The following KHDRBS2 variants were observed in gnomAD, a reference collection of about 807,000 sequenced individuals.
KHDRBS2 encodes KH RNA binding domain containing, signal transduction associated 2, also known as KH domain-containing, RNA-binding, signal transduction-associated protein 2.
Under a neutral mutation model 44.3 loss-of-function variants are expected in KHDRBS2, and 26 were observed. That is an observed-to-expected ratio of 0.59 (90% CI 0.43 to 0.81). The LOEUF (loss-of-function observed/expected upper bound fraction) is 0.81. KHDRBS2 is among the 40% of genes least tolerant of loss of function. The probability of loss-of-function intolerance (pLI) is 0.00; values close to 1 mark genes in which losing one functional copy is unlikely to be tolerated. For missense variants in KHDRBS2, 476 were observed against 433.1 expected, an observed-to-expected ratio of 1.10 and a Z score of -0.88; for synonymous variants, 194 against 151.1, an observed-to-expected ratio of 1.28 and a Z score of -2.08.
the KHDRBS2 span, among the ~76,000 whole-genome samples, chr6:61,618,719 C>T: frequency 5.3e-5 from 8 of 152,144 alleles, no homozygotes; most frequent in African/African-American, 1.9e-4. Flanking sequence ...TGAGAACATG[C>T]AGTATCTGGT....
intron 6 of KHDRBS2, among the ~76,000 whole-genome samples, chr6:61,863,681 TG>T (rs956298454): frequency 2.6e-5 from 4 of 152,180 alleles, no homozygotes; most frequent in Admixed American, 2.6e-4. Context: ...CTGCATTTGC[TG>T]GGGAGTGTTT....
At chr6:61,772,719 C>T (rs139090075) in intron 6 of KHDRBS2, among the ~76,000 whole-genome samples, 114 of 151,868 alleles carry the variant, frequency 7.5e-4, no homozygotes, top group Non-Finnish European at 1.4e-3. Flanking sequence ...ATACATGTGC[C>T]ACGCTGGTGT....
At chr6:61,904,109 G>C (rs1048319860) in intron 4 of KHDRBS2, among the ~76,000 whole-genome samples, 1 of 152,212 alleles carries the variant, frequency 6.6e-6, no homozygotes, top group African/African-American at 2.4e-5. Context: ...GCGTACTTCA[G>C]CAGCCTCTCT....
At chr6:62,041,014 T>A (rs1786363969) in intron 3 of KHDRBS2, among the ~76,000 whole-genome samples, 1 of 152,108 alleles carries the variant, frequency 6.6e-6, no homozygotes, top group African/African-American at 2.4e-5. Context: ...CCATATTGGT[T>A]ATATTGCATT....
At chr6:61,893,009 T>A (rs569036827) in intron 6 of KHDRBS2, among the ~76,000 whole-genome samples, 6 of 152,190 alleles carry the variant, frequency 3.9e-5, no homozygotes, top group South Asian at 2.1e-4. Flanking sequence ...CTCATCTGAC[T>A]AAGGGCTAAT....
chr6:61,835,710 C>CGTGTGTGT (rs3078000), intron 6 of KHDRBS2, among the ~76,000 whole-genome samples: 1,564 of 145,540 alleles, frequency 0.011, 14 homozygotes, highest in African/African-American at 0.023. Context: ...TTGATGTGTG[C>CGTGTGTGT]GTGTGTGTGT....
chr6:61,617,746 C>T, the KHDRBS2 span, among the ~76,000 whole-genome samples: 1 of 151,962 alleles, frequency 6.6e-6, no homozygotes. Flanking sequence ...ATGCTAATAG[C>T]TTATAGAAGC....
At chr6:62,038,825 C>G (rs992493385) in intron 3 of KHDRBS2, among the ~76,000 whole-genome samples, 4 of 152,012 alleles carry the variant, frequency 2.6e-5, no homozygotes, top group African/African-American at 9.7e-5. Flanking sequence ...ATAATAACAA[C>G]AACAACCTTT....
At chr6:62,234,074 T>C (rs565767462) in intron 1 of KHDRBS2, among the ~76,000 whole-genome samples, 1 of 152,224 alleles carries the variant, frequency 6.6e-6, no homozygotes, top group African/African-American at 2.4e-5. Flanking sequence ...AGCAATATGT[T>C]CAGAAAACTA....
intron 1 of KHDRBS2, 52 bp downstream of exon 1, chr6:62,285,806 G>T: frequency 7.7e-7 from 1 of 1,304,818 alleles, no homozygotes; most frequent in East Asian, 2.4e-5. Context: ...ATCAAGCCGC[G>T]GGTGAGATAG....
the KHDRBS2 span, among the ~76,000 whole-genome samples, chr6:61,563,009 T>A: frequency 6.6e-6 from 1 of 152,130 alleles, no homozygotes; most frequent in Non-Finnish European, 1.5e-5. Flanking sequence ...ACTGGCTTAA[T>A]GCTTATTCAA....
At chr6:62,227,382 A>C (rs1832069311) in intron 1 of KHDRBS2, among the ~76,000 whole-genome samples, 1 of 152,188 alleles carries the variant, frequency 6.6e-6, no homozygotes, top group Admixed American at 6.5e-5. Flanking sequence ...TTTTATCCTG[A>C]GACTTTGCTG....
intron 4 of KHDRBS2, among the ~76,000 whole-genome samples, chr6:61,941,353 C>T (rs1275874113): frequency 1.3e-5 from 2 of 152,156 alleles, no homozygotes; most frequent in Admixed American, 6.5e-5. Flanking sequence ...AATGACATTG[C>T]TAATTCCATG....
At chr6:61,902,198 C>T (rs1804180988) in intron 4 of KHDRBS2, among the ~76,000 whole-genome samples, 1 of 152,196 alleles carries the variant, frequency 6.6e-6, no homozygotes, top group Non-Finnish European at 1.5e-5. Context: ...ATCCACCCAC[C>T]TGGGCCTCCC....
At chr6:61,831,759 C>T (rs1018477813) in intron 6 of KHDRBS2, among the ~76,000 whole-genome samples, 4 of 151,722 alleles carry the variant, frequency 2.6e-5, no homozygotes, top group Non-Finnish European at 5.9e-5. Flanking sequence ...TCCTTTTTGG[C>T]AAAGAAAATG....
At chr6:62,120,410 T>C (rs532948579) in intron 2 of KHDRBS2, among the ~76,000 whole-genome samples, 2 of 152,304 alleles carry the variant, frequency 1.3e-5, no homozygotes, top group African/African-American at 2.4e-5. Context: ...CTGTGATTGC[T>C]CTTCTCTGTA....
intron 2 of KHDRBS2, among the ~76,000 whole-genome samples, chr6:62,114,873 C>G (rs936846647): frequency 6.7e-6 from 1 of 149,560 alleles, no homozygotes; most frequent in African/African-American, 2.6e-5. Flanking sequence ...TAATAATAAA[C>G]TTTTTAGAAA....
At chr6:61,955,211 T>TACATATGTGTATATATAC (rs1766430244) in intron 4 of KHDRBS2, among the ~76,000 whole-genome samples, 1 of 145,138 alleles carries the variant, frequency 6.9e-6, no homozygotes, top group South Asian at 2.1e-4. Flanking sequence ...TATATATGTA[T>TACATATGTGTATATATAC]ACATATGTGT....
intron 2 of KHDRBS2, among the ~76,000 whole-genome samples, chr6:62,126,937 CTTGAG>C (rs1477732008): frequency 6.6e-6 from 1 of 152,134 alleles, no homozygotes; most frequent in African/African-American, 2.4e-5. Context: ...CTTTTAGTAG[CTTGAG>C]TTATTTAGTT....
Sources: gnomAD v4.1 joint callset for allele counts (sites outside exome capture counted in the v4.1 genomes callset) on GRCh38, gnomAD v4.1.1 for gene constraint, MANE v1.5 for transcripts, NCBI Gene and HGNC (gene_info 2026-07-23, HGNC 2026-07-21) for gene names.